CREBBP: variants seen among roughly 807,000 people sequenced by gnomAD.
The protein encoded by CREBBP is CREB-binding protein.
A neutral mutation model predicts 265.0 loss-of-function variants in CREBBP; 19 were observed. The observed-to-expected ratio is 0.07, with a 90% CI of 0.05 to 0.11. CREBBP has a LOEUF of 0.11. CREBBP is among the 10% of genes least tolerant of loss of function. CREBBP has a pLI of 1.00. For missense variants in CREBBP, 2,525 were observed against 3,219.0 expected, an observed-to-expected ratio of 0.78 and a Z score of 5.22; for synonymous variants, 1,457 against 1,223.7, an observed-to-expected ratio of 1.19 and a Z score of -3.98.
chr16:3,796,122 A>G (rs986059310), intron 3 of CREBBP, among the ~76,000 whole-genome samples: 2 of 152,238 alleles, frequency 1.3e-5, no homozygotes, highest in Non-Finnish European at 2.9e-5. Flanking sequence ...CTTAAAGTAC[A>G]GAAATATCAC....
intron 3 of CREBBP, among the ~76,000 whole-genome samples, chr16:3,803,510 C>G (rs981160098): frequency 1.6e-4 from 25 of 151,780 alleles, no homozygotes; most frequent in Admixed American, 3.9e-4. Flanking sequence ...CTCTCAACAA[C>G]AACAACAACA....
At chr16:3,762,524 TAAG>T (rs1169506587) in intron 16 of CREBBP, among the ~76,000 whole-genome samples, 1 of 151,886 alleles carries the variant, frequency 6.6e-6, no homozygotes, top group African/African-American at 2.4e-5. Context: ...CACCTTTCTG[TAAG>T]AAGATCCCAT....
intron 3 of CREBBP, among the ~76,000 whole-genome samples, chr16:3,795,429 G>A (rs2053588711): frequency 6.6e-6 from 1 of 151,962 alleles, no homozygotes. Flanking sequence ...ATAATCAATA[G>A]AGCCTCGTAT....
chr16:3,807,773 G>GA (rs2041250908), intron 3 of CREBBP, among the ~76,000 whole-genome samples: 1 of 152,188 alleles, frequency 6.6e-6, no homozygotes, highest in Non-Finnish European at 1.5e-5. Context: ...AAATTACCTA[G>GA]AAAGATGTTG....
At chr16:3,793,152 C>A (rs1454462946) in intron 4 of CREBBP, among the ~76,000 whole-genome samples, 1 of 152,224 alleles carries the variant, frequency 6.6e-6, no homozygotes, top group Non-Finnish European at 1.5e-5. Flanking sequence ...CTTCAAGCAG[C>A]AGAAGTTCAC....
Position 3,820,512 on chromosome 16 carries a change from T to C in CREBBP, c.799-9733A>G, listed in dbSNP as rs1364081028. Among the ~76,000 whole-genome samples the C allele has an allele frequency of 2.6e-5, 4 of 152,226 alleles. No individual in the cohort carries two copies. The East Asian group carries it at 7.7e-4, about 29-fold the overall frequency. On this transcript the variant is annotated intron_variant, in intron 2 of 30. Coordinates refer to ENST00000262367, the MANE Select transcript of CREBBP (RefSeq NM_004380.3). ...GGCCCCCAGGTCTGAACATTTGCCC[T>C]GGAAGGATAAGTCCTAACTGGAAGA...
intron 1 of CREBBP, among the ~76,000 whole-genome samples, chr16:3,851,840 G>C (rs1362888278): frequency 9.7e-6 from 1 of 103,268 alleles, no homozygotes; most frequent in Non-Finnish European, 1.8e-5. Flanking sequence ...CGACCTGGGC[G>C]ACAGAGCGAG....
chr16:3,870,584 T>C (rs1361565985), intron 1 of CREBBP, among the ~76,000 whole-genome samples: 1 of 152,170 alleles, frequency 6.6e-6, no homozygotes, highest in Non-Finnish European at 1.5e-5. Flanking sequence ...ACCCATTTTG[T>C]AAGATTCTCG....
In CREBBP at chr16:3,726,444, G is replaced by T. The variant is rs1347019273; in HGVS notation, c.*1274C>A. 1 of 232,446 alleles carries T rather than the reference G, an allele frequency of 4.3e-6. No homozygotes were observed. Among genetic ancestry groups the T allele is most frequent in the Non-Finnish European group, 8.5e-6 (1 of 117,920 alleles). The allele number at this position is 232,446 out of a possible 1,614,324, so 14.4% of individuals were successfully genotyped here. A position where few individuals can be genotyped will look rare whatever the true frequency, so the allele number is the denominator to read the frequency against. On this transcript the variant is annotated 3_prime_UTR_variant, in exon 31 of 31. Transcript: ENST00000262367. The stretch of plus-strand genomic sequence containing the variant: ...CCTCAGTCGCCCACCTCAGTCTCCG[G>T]GAAGAAAAGCCTCCGGGCGGCCGCT...
intron 1 of CREBBP, among the ~76,000 whole-genome samples, chr16:3,869,890 T>C (rs1323448251): frequency 3.3e-5 from 5 of 152,224 alleles, no homozygotes; most frequent in East Asian, 1.9e-4. Context: ...CTTGATTCTC[T>C]TGCCATCATT....
At chr16:3,743,507 A>G (rs1213168379) in intron 23 of CREBBP, 3 of 151,686 alleles carry the variant, frequency 2.0e-5, no homozygotes, top group Non-Finnish European at 4.4e-5. Context: ...TCTCTCTTCT[A>G]CTCTGAGCTC....
intron 5 of CREBBP, among the ~76,000 whole-genome samples, chr16:3,789,285 C>T (rs1157129080): frequency 6.6e-6 from 1 of 152,198 alleles, no homozygotes; most frequent in Admixed American, 6.5e-5. Context: ...CTGTTCACCT[C>T]GTTTGCACAG....
At chr16:3,812,844 T>G (rs1034916469) in intron 2 of CREBBP, 8 of 186,034 alleles carry the variant, frequency 4.3e-5, no homozygotes, top group Non-Finnish European at 6.8e-5. Context: ...AGTGGTCAGT[T>G]TGATGGACTG....
rs2151329525 is a variant in CREBBP, at chr16:3,736,713, C to G, written c.4497G>C (p.Leu1499=). 6.2e-7 allele frequency: 1 copy of G among 1,614,182 alleles called. No individual in the cohort carries two copies. Among genetic ancestry groups the G allele is most frequent in the South Asian group, 1.1e-5 (1 of 91,082 alleles). ...PDQKIPKPKR[L]QEWYKKMLDK... ...CCAGCATCTTTTTGTACCACTCCTGCAGTCGTTTTGGCTTGGGTATTTTTT... is the reference window on the plus strand; with the variant it reads ...CCAGCATCTTTTTGTACCACTCCTGGAGTCGTTTTGGCTTGGGTATTTTTT... Residue 1499 remains leucine, a synonymous_variant, in exon 27 of 31, where the codon CTG becomes CTC. Coordinates refer to ENST00000262367, the MANE Select transcript of CREBBP (RefSeq NM_004380.3).
chr16:3,816,814 G>A (rs2054045255), intron 2 of CREBBP, among the ~76,000 whole-genome samples: 1 of 152,120 alleles, frequency 6.6e-6, no homozygotes, highest in Admixed American at 6.5e-5. Context: ...AACATACCAG[G>A]GATGCAGCGG....
Position 3,849,418 on chromosome 16 carries a change from T to TGTG in CREBBP, c.798+876_798+878dup, listed in dbSNP as rs1567359948. On this transcript the variant is annotated intron_variant, in intron 2 of 30. Coordinates refer to ENST00000262367, the MANE Select transcript of CREBBP (RefSeq NM_004380.3). ...GTGTGTGTGTGTGTGTGTGTGTGTG[T>TGTG]GTGTGTGTGTGTGTGTGTGTGTGTG... Among the ~76,000 whole-genome samples the TGTG allele has an allele frequency of 7.6e-4, 5 of 6,568 alleles. 1 individual carries two copies. Among genetic ancestry groups the TGTG allele is most frequent in the African/African-American group, 5.4e-4 (3 of 5,542 alleles). 4.3% of individuals were successfully genotyped at this position (6,568 alleles called of 152,430 possible).
Position 3,878,279 on chromosome 16 carries a change from C to A in CREBBP, c.85+1553G>T, listed in dbSNP as rs541456394. ...AATGAAGCAACGGAGATCTGTTTTG[C>A]AGTACAACGGCATTTAAACTACTGT... is the stretch of plus-strand genomic sequence containing the variant. On this transcript the variant is annotated intron_variant, in intron 1 of 30. Coordinates refer to ENST00000262367, the MANE Select transcript of CREBBP (RefSeq NM_004380.3). Among the ~76,000 whole-genome samples the A allele has an allele frequency of 2.6e-5, 4 of 152,326 alleles. No homozygotes were observed. In the South Asian group the frequency reaches 6.2e-4, roughly 24 times the overall value.
intron 2 of CREBBP, among the ~76,000 whole-genome samples, chr16:3,827,450 G>A (rs2141400562): frequency 1.3e-5 from 2 of 152,216 alleles, no homozygotes; most frequent in South Asian, 4.2e-4. Flanking sequence ...GGAGTGCAGT[G>A]ACGCAATCTC....
At chr16:3,739,377 C>T (rs373919270) in intron 25 of CREBBP, 4 of 640,300 alleles carry the variant, frequency 6.2e-6, no homozygotes, top group East Asian at 2.8e-5. Flanking sequence ...ACACAAAACA[C>T]GCTCACTGCA....
Sources: allele counts gnomAD v4.1 joint callset (sites outside exome capture counted in the v4.1 genomes callset), GRCh38; gene constraint gnomAD v4.1.1; transcripts MANE v1.5; gene names NCBI Gene and HGNC (gene_info 2026-07-23, HGNC 2026-07-21).